Variants in CLHC1 observed in about 807,000 individuals in gnomAD.
CLHC1 encodes the protein clathrin heavy chain linker domain-containing protein 1.
A neutral mutation model predicts 69.5 loss-of-function variants in CLHC1; 72 were observed. The observed-to-expected ratio is 1.04, with a 90% CI of 0.86 to 1.26. The LOEUF (loss-of-function observed/expected upper bound fraction) is 1.26, where lower values mean the gene tolerates loss of function less well. CLHC1 is among the 50% of genes most tolerant of loss of function. CLHC1 has a pLI of 0.00. For synonymous variants in CLHC1, 223 were observed against 224.3 expected (o/e 0.99, Z 0.05); for missense variants, 790 against 679.3 (o/e 1.16, Z -1.81).
rs754318689 is a variant in CLHC1, at chr2:55,194,082, C to T, written c.1006+12188G>A. Among the ~76,000 whole-genome samples the T allele has an allele frequency of 1.1e-4, 17 of 152,182 alleles. 1 individual carries two copies. Among genetic ancestry groups the T allele is most frequent in the Non-Finnish European group, 5.9e-5 (4 of 68,022 alleles). On this transcript the variant is annotated intron_variant, in intron 9 of 12. Transcript: ENST00000401408. Reference sequence around the variant, plus strand: ...AAAGCAGGTAAATCTATACTGACAGCAAATAGATGAGTGGTTGCCTGCAGT... The same window carrying T: ...AAAGCAGGTAAATCTATACTGACAGTAAATAGATGAGTGGTTGCCTGCAGT...
chr2:55,228,705 T>C (rs1306997498), intron 1 of CLHC1, among the ~76,000 whole-genome samples: 2 of 152,154 alleles, frequency 1.3e-5, no homozygotes, highest in African/African-American at 4.8e-5. Context: ...TCTAGGGCAA[T>C]GCTTAAGTTG....
chr2:55,200,251 G>A (rs1488505135), intron 9 of CLHC1, among the ~76,000 whole-genome samples: 2 of 102,776 alleles, frequency 1.9e-5, no homozygotes, highest in Admixed American at 1.0e-4. Flanking sequence ...AAAAACAGTG[G>A]CTGAGTAGAT....
intron 9 of CLHC1, among the ~76,000 whole-genome samples, chr2:55,205,477 G>A (rs527578179): frequency 5.3e-5 from 8 of 151,656 alleles, no homozygotes; most frequent in Admixed American, 6.6e-5. Context: ...AAAACTGAAC[G>A]CCATTATCCT....
At chr2:55,216,376 A>C (rs1293377136) in intron 4 of CLHC1, among the ~76,000 whole-genome samples, 2 of 152,100 alleles carry the variant, frequency 1.3e-5, no homozygotes, top group Admixed American at 1.3e-4. Flanking sequence ...ACTACTTAAC[A>C]AGATTGAGCA....
intron 2 of CLHC1, chr2:55,225,039 A>G: frequency 6.4e-6 from 1 of 156,120 alleles, no homozygotes; most frequent in Non-Finnish European, 1.4e-5. Flanking sequence ...CCGAAAAGGT[A>G]GCCCAAAGGC....
intron 9 of CLHC1, among the ~76,000 whole-genome samples, chr2:55,199,296 CAAAAAAAA>C (rs57570449): frequency 8.5e-5 from 6 of 70,938 alleles, no homozygotes; most frequent in Non-Finnish European, 1.0e-4. Context: ...GACTCCATCT[CAAAAAAAA>C]AAAAAAAAAA....
At chr2:55,208,095 A>G (rs1232366835) in intron 8 of CLHC1, among the ~76,000 whole-genome samples, 1 of 152,204 alleles carries the variant, frequency 6.6e-6, no homozygotes, top group African/African-American at 2.4e-5. Flanking sequence ...AATCAGGAAG[A>G]CATTCTCAAA....
At chr2:55,220,639 A>C (rs962870761) in intron 3 of CLHC1, among the ~76,000 whole-genome samples, 1 of 152,160 alleles carries the variant, frequency 6.6e-6, no homozygotes, top group Non-Finnish European at 1.5e-5. Context: ...CTCCAAAATG[A>C]CTTCACTATA....
At chr2:55,177,563 C>T (rs1669509812) in intron 12 of CLHC1, 39 bp downstream of exon 12, 3 of 1,455,794 alleles carry the variant, frequency 2.1e-6, no homozygotes, top group Non-Finnish European at 2.8e-6. Flanking sequence ...CCCTAGATAA[C>T]CCACTACTAT....
Position 55,208,666 on chromosome 2 carries a change from T to A in CLHC1, c.859A>T (p.Arg287Trp). The A allele has an allele frequency of 6.2e-7, 1 of 1,612,664 alleles. No homozygotes were observed. Among genetic ancestry groups the A allele is most frequent in the Non-Finnish European group, 8.5e-7 (1 of 1,178,804 alleles). ...VEELMEDDPR[R>W]AKEAEIMLHY... The stretch of plus-strand genomic sequence containing the variant: ...AGCATAATTTCAGCTTCTTTTGCCC[T>A]GCGTGGATCATCTTCCATTAGTTCT... The change falls in exon 8 of 13, where the codon AGG (arginine) becomes TGG (tryptophan). Residue 287 changes from arginine (R) to tryptophan (W), a missense_variant. Transcript: ENST00000401408.
intron 9 of CLHC1, among the ~76,000 whole-genome samples, chr2:55,199,296 C>CAAAAAAAAAAAAAAAAAAAAAAAAAAA: frequency 1.4e-5 from 1 of 70,960 alleles, no homozygotes; most frequent in Non-Finnish European, 2.5e-5. Context: ...GACTCCATCT[C>CAAAAAAAAAAAAAAAAAAAAAAAAAAA]AAAAAAAAAA....
intron 9 of CLHC1, among the ~76,000 whole-genome samples, chr2:55,188,063 C>A (rs182261073): frequency 9.9e-4 from 150 of 152,208 alleles, no homozygotes; most frequent in African/African-American, 3.4e-3. Flanking sequence ...CCTGTAATCC[C>A]AGCATTTTGG....
intron 1 of CLHC1, among the ~76,000 whole-genome samples, chr2:55,229,579 T>C (rs1170841888): frequency 2.0e-5 from 3 of 152,148 alleles, no homozygotes; most frequent in Non-Finnish European, 4.4e-5. Flanking sequence ...GCCTAGGGGG[T>C]ACCTTTGTGC....
chr2:55,212,819 A>T lies in CLHC1; in HGVS notation c.366-13T>A. On this transcript the variant is annotated splice_polypyrimidine_tract_variant and intron_variant, in intron 4 of 12. Coordinates refer to ENST00000401408, the MANE Select transcript of CLHC1 (RefSeq NM_152385.4). ...GATAATCCTCATTCTGGAAAACAGA[A>T]AGGCTTTCTTATGTCTTTCAACTAA... 1 of 1,589,676 alleles carries T rather than the reference A, an allele frequency of 6.3e-7. No homozygotes were observed. Among genetic ancestry groups the T allele is most frequent in the Non-Finnish European group, 8.6e-7 (1 of 1,158,812 alleles).
At chr2:55,207,255 C>T (rs1040914665) in intron 8 of CLHC1, among the ~76,000 whole-genome samples, 1 of 152,170 alleles carries the variant, frequency 6.6e-6, no homozygotes, top group Non-Finnish European at 1.5e-5. Context: ...ATAACTTAAG[C>T]CTCTACTCCT....
chr2:55,183,918 C>T (rs925011204), intron 9 of CLHC1, among the ~76,000 whole-genome samples: 6 of 152,024 alleles, frequency 3.9e-5, no homozygotes, highest in Admixed American at 2.0e-4. Context: ...TTAGATGGGA[C>T]TACAGGTGCG....
chr2:55,180,588 C>T lies in CLHC1; in HGVS notation c.1306G>A (p.Ala436Thr). The T allele has an allele frequency of 1.2e-6, 2 of 1,614,014 alleles. No individual in the cohort carries two copies. Among genetic ancestry groups the T allele is most frequent in the Non-Finnish European group, 1.7e-6 (2 of 1,179,920 alleles). The stretch of plus-strand genomic sequence containing the variant: ...CCCTGTTTACACAAGCAAAGAATAG[C>T]TTTCTTGTGCAGGCCACATTCACTG... ...VYSECGLHKK[A>T]ILCLCKQGQT... The change falls in exon 11 of 13, where the codon GCT becomes ACT. Residue 436 changes from alanine to threonine, a missense_variant. Ala to Thr is a moderately conservative substitution (Grantham distance 58). Coordinates refer to ENST00000401408, the MANE Select transcript of CLHC1 (RefSeq NM_152385.4).
At chr2:55,219,268 C>T (rs893621787) in intron 3 of CLHC1, among the ~76,000 whole-genome samples, 10 of 152,090 alleles carry the variant, frequency 6.6e-5, no homozygotes, top group Admixed American at 4.6e-4. Context: ...ATGATCAGCT[C>T]CCAAGTCTGT....
rs1419344239 is a variant in CLHC1, at chr2:55,173,290, T to G, written c.*2500A>C. Among the ~76,000 whole-genome samples the G allele has an allele frequency of 3.9e-5, 6 of 152,360 alleles. No individual in the cohort carries two copies. The East Asian group carries it at 1.2e-3, about 29-fold the overall frequency. On this transcript the variant is annotated 3_prime_UTR_variant, in exon 13 of 13. Coordinates refer to ENST00000401408, the MANE Select transcript of CLHC1 (RefSeq NM_152385.4). ...TGAATATGGACTGGCTATTAGATAA[T>G]GCTAAGGAATTATTATTAGTAACTT...
Sources: allele counts gnomAD v4.1 joint callset (sites outside exome capture counted in the v4.1 genomes callset), GRCh38; gene constraint gnomAD v4.1.1; transcripts MANE v1.5; gene names NCBI Gene and HGNC (gene_info 2026-07-23, HGNC 2026-07-21).